MSRA: variants seen among roughly 807,000 people sequenced by gnomAD.
MSRA encodes mitochondrial peptide methionine sulfoxide reductase.
MSRA carries 54 observed loss-of-function variants against 31.3 expected under a neutral mutation model. The ratio of observed to expected loss-of-function variants is 1.73; its 90% CI spans 1.39 to 2.17. The LOEUF is 2.17. MSRA is among the 30% of genes most tolerant of loss of function. The pLI, the probability that MSRA is intolerant of heterozygous loss-of-function variation, is 0.00. For synonymous variants in MSRA, 169 were observed against 116.5 expected (o/e 1.45, Z -2.90); for missense variants, 507 against 300.9 (o/e 1.69, Z -5.07).
chr8:10,234,568 A>G (rs1447656019), intron 2 of MSRA, among the ~76,000 whole-genome samples: 1 of 152,158 alleles, frequency 6.6e-6, no homozygotes, highest in Non-Finnish European at 1.5e-5. Context: ...GGTAAGTAGA[A>G]AACACAAAAT....
intron 1 of MSRA, among the ~76,000 whole-genome samples, chr8:10,174,565 T>C (rs902617726): frequency 2.0e-5 from 3 of 152,092 alleles, no homozygotes; most frequent in Non-Finnish European, 4.4e-5. Context: ...CCTGCAGTCC[T>C]ACGTTCTTCG....
At chr8:10,260,511 T>C (rs973524717) in intron 3 of MSRA, among the ~76,000 whole-genome samples, 2 of 152,152 alleles carry the variant, frequency 1.3e-5, no homozygotes, top group African/African-American at 2.4e-5. Flanking sequence ...GATGGACTGG[T>C]CACGTAGCCT....
chr8:10,356,914 A>G (rs965092418), intron 5 of MSRA, among the ~76,000 whole-genome samples: 6 of 134,200 alleles, frequency 4.5e-5, no homozygotes, highest in Non-Finnish European at 4.7e-5. Context: ...AAAAAAATAT[A>G]TGTGTCTTTG....
chr8:10,225,213 C>CT (rs1810888330), intron 2 of MSRA, among the ~76,000 whole-genome samples: 1 of 152,252 alleles, frequency 6.6e-6, no homozygotes, highest in South Asian at 2.1e-4. Flanking sequence ...ATCCCTTACT[C>CT]TAACCACTGC....
intron 3 of MSRA, among the ~76,000 whole-genome samples, chr8:10,275,139 T>A (rs1052125805): frequency 3.3e-5 from 5 of 151,812 alleles, no homozygotes; most frequent in African/African-American, 1.2e-4. Flanking sequence ...TCTGAAAATT[T>A]CTCATAATGT....
At chr8:10,309,830 G>C (rs1801338233) in intron 4 of MSRA, among the ~76,000 whole-genome samples, 1 of 152,180 alleles carries the variant, frequency 6.6e-6, no homozygotes, top group South Asian at 2.1e-4. Context: ...CCTGCTCCAG[G>C]CGAGTTTTTT....
chr8:10,302,119 A>G (rs1014901503), intron 4 of MSRA, among the ~76,000 whole-genome samples: 12 of 152,240 alleles, frequency 7.9e-5, no homozygotes, highest in African/African-American at 1.7e-4. Flanking sequence ...TGCAGTATTC[A>G]CTAGGTCCAC....
At chr8:10,342,270 C>T (rs951016211) in intron 5 of MSRA, among the ~76,000 whole-genome samples, 1 of 152,000 alleles carries the variant, frequency 6.6e-6, no homozygotes, top group Admixed American at 6.6e-5. Flanking sequence ...TTATTGAGGA[C>T]CCCAATGAGC....
intron 1 of MSRA, among the ~76,000 whole-genome samples, chr8:10,117,528 G>A (rs1042258355): frequency 4.6e-5 from 7 of 152,178 alleles, no homozygotes; most frequent in African/African-American, 1.4e-4. Context: ...ATACATGTAA[G>A]TTTCTATGTG....
chr8:10,144,766 T>C (rs1303220244), intron 1 of MSRA, among the ~76,000 whole-genome samples: 1 of 152,138 alleles, frequency 6.6e-6, no homozygotes, highest in Non-Finnish European at 1.5e-5. Flanking sequence ...GCCTAAATTA[T>C]AATGTGACAA....
At chr8:10,299,538 T>C (rs1029939439) in intron 3 of MSRA, among the ~76,000 whole-genome samples, 2 of 152,144 alleles carry the variant, frequency 1.3e-5, no homozygotes, top group Non-Finnish European at 2.9e-5. Flanking sequence ...ATTAAAATTA[T>C]ATGGACTAGC....
intron 5 of MSRA, among the ~76,000 whole-genome samples, chr8:10,334,611 A>C (rs1215467494): frequency 6.6e-6 from 1 of 152,114 alleles, no homozygotes; most frequent in Non-Finnish European, 1.5e-5. Flanking sequence ...GCCCGCTTGC[A>C]TTTCCGCCAC....
chr8:10,146,325 A>G (rs984464819), intron 1 of MSRA, among the ~76,000 whole-genome samples: 4 of 152,212 alleles, frequency 2.6e-5, no homozygotes, highest in Non-Finnish European at 4.4e-5. Context: ...GTGTGGGTAG[A>G]ATTTTAAACA....
chr8:10,272,670 G>A lies in MSRA; in HGVS notation c.331+27447G>A, dbSNP rs567937809. ...ATAAAATTAACCCTCACTCTTACTCGCGCTTTAAGACTACCCTCAAACGAA... is the reference window on the plus strand; with the variant it reads ...ATAAAATTAACCCTCACTCTTACTCACGCTTTAAGACTACCCTCAAACGAA... On this transcript the variant is annotated intron_variant, in intron 3 of 5. Transcript: ENST00000317173. Among the ~76,000 whole-genome samples the A allele has an allele frequency of 9.2e-5, 14 of 152,104 alleles. No individual in the cohort carries two copies. In the East Asian group the frequency reaches 1.4e-3, roughly 15 times the overall value.
chr8:10,245,004 A>G (rs561783694), intron 2 of MSRA, 100 bp from the exon 3 acceptor site: 4 of 1,025,102 alleles, frequency 3.9e-6, no homozygotes, highest in South Asian at 2.3e-5. Context: ...GACAGGAGCA[A>G]CTTTTTTTTT....
intron 2 of MSRA, among the ~76,000 whole-genome samples, chr8:10,236,102 G>T (rs1412237518): frequency 6.6e-6 from 1 of 152,130 alleles, no homozygotes; most frequent in Non-Finnish European, 1.5e-5. Context: ...GCTTTTCAAA[G>T]TAAGAATGGA....
chr8:10,124,480 A>G (rs760196738), intron 1 of MSRA, among the ~76,000 whole-genome samples: 1 of 152,232 alleles, frequency 6.6e-6, no homozygotes. Context: ...TCTGTCTGCT[A>G]TCCGTGTGAC....
intron 5 of MSRA, among the ~76,000 whole-genome samples, chr8:10,331,989 G>A (rs1235455716): frequency 2.0e-5 from 3 of 152,202 alleles, no homozygotes; most frequent in African/African-American, 7.2e-5. Flanking sequence ...GGTGACTGCA[G>A]AGGTAAGGCT....
At chr8:10,274,516 G>T (rs1799216308) in intron 3 of MSRA, among the ~76,000 whole-genome samples, 1 of 152,216 alleles carries the variant, frequency 6.6e-6, no homozygotes, top group South Asian at 2.1e-4. Flanking sequence ...GGAGGCAGAA[G>T]TGGGTGATTC....
Sources: gnomAD v4.1 joint callset for allele counts (sites outside exome capture counted in the v4.1 genomes callset) on GRCh38, gnomAD v4.1.1 for gene constraint, MANE v1.5 for transcripts, NCBI Gene and HGNC (gene_info 2026-07-23, HGNC 2026-07-21) for gene names.